The following DLGAP2 variants were observed in gnomAD, a reference collection of about 807,000 sequenced individuals.
DLGAP2 encodes DLG associated protein 2.
DLGAP2 carries 26 observed loss-of-function variants against 100.3 expected under a neutral mutation model. The ratio of observed to expected loss-of-function variants is 0.26; its 90% CI spans 0.19 to 0.36. The LOEUF (loss-of-function observed/expected upper bound fraction) is 0.36. DLGAP2 is among the 10% of genes least tolerant of loss of function. DLGAP2 has a pLI of 1.00. For missense variants in DLGAP2, 1,858 were observed against 1,453.2 expected (o/e 1.28, Z -4.53); for synonymous variants, 886 against 630.1 (o/e 1.41, Z -6.08).
intron 6 of DLGAP2, among the ~76,000 whole-genome samples, chr8:1,591,634 C>T (rs1411029450): frequency 1.3e-5 from 2 of 152,146 alleles, no homozygotes; most frequent in Non-Finnish European, 1.5e-5. Flanking sequence ...CGATACTTGT[C>T]ACACATCTAC....
At chr8:1,688,015 T>C (rs1364431935) in intron 12 of DLGAP2, among the ~76,000 whole-genome samples, 2 of 152,110 alleles carry the variant, frequency 1.3e-5, no homozygotes, top group African/African-American at 4.8e-5. Flanking sequence ...CAGAACACGT[T>C]CATTTTGGGG....
At chr8:1,651,139 A>G (rs1445101769) in intron 8 of DLGAP2, among the ~76,000 whole-genome samples, 1 of 152,228 alleles carries the variant, frequency 6.6e-6, no homozygotes, top group Non-Finnish European at 1.5e-5. Context: ...AAACAGGTTT[A>G]CCAATTCTTT....
At chr8:1,273,555 C>T (rs989455217) in intron 3 of DLGAP2, among the ~76,000 whole-genome samples, 1 of 152,326 alleles carries the variant, frequency 6.6e-6, no homozygotes, top group African/African-American at 2.4e-5. Context: ...ACGTCCTGCT[C>T]TGCTGCTTCA....
At position 1,637,892 on chromosome 8, in the gene DLGAP2, G is replaced by A. The variant is rs530407847; in HGVS notation, c.1810+4846G>A. Among the ~76,000 whole-genome samples the A allele has an allele frequency of 2.3e-3, 353 of 152,302 alleles. 4 individuals carry two copies. Among genetic ancestry groups the A allele is most frequent in the Non-Finnish European group, 2.5e-3 (169 of 68,024 alleles). ...GAAAGCCAGCACTGCAGCAGCGTCC[G>A]GGAGGCCTTCCGCCTGCAGGAAGAG... On this transcript the variant is annotated intron_variant, in intron 8 of 14. Transcript: ENST00000637795.
At chr8:1,030,099 A>G (rs1235503700) in intron 2 of DLGAP2, among the ~76,000 whole-genome samples, 2 of 152,204 alleles carry the variant, frequency 1.3e-5, no homozygotes, top group African/African-American at 2.4e-5. Context: ...TAAATCTTAA[A>G]ATACATACTT....
At chr8:809,897 G>T (rs916513613) in intron 1 of DLGAP2, among the ~76,000 whole-genome samples, 2 of 152,306 alleles carry the variant, frequency 1.3e-5, no homozygotes, top group East Asian at 1.9e-4. Context: ...GCTCTGACTC[G>T]CCCAGAAGCA....
intron 2 of DLGAP2, among the ~76,000 whole-genome samples, chr8:1,147,102 T>C (rs1029788353): frequency 6.6e-6 from 1 of 152,222 alleles, no homozygotes; most frequent in East Asian, 1.9e-4. Flanking sequence ...TTATATTGAG[T>C]CTTTCAAATG....
At chr8:775,363 C>A (rs1421340578) in intron 1 of DLGAP2, among the ~76,000 whole-genome samples, 1 of 150,512 alleles carries the variant, frequency 6.6e-6, no homozygotes. Flanking sequence ...CCTAATTGCC[C>A]TGGCCAGAAC....
chr8:1,214,151 C>A (rs1798164347), intron 2 of DLGAP2, among the ~76,000 whole-genome samples: 1 of 152,206 alleles, frequency 6.6e-6, no homozygotes, highest in African/African-American at 2.4e-5. Flanking sequence ...TCCCTCCACA[C>A]CTCATTCCCT....
intron 2 of DLGAP2, among the ~76,000 whole-genome samples, chr8:963,721 G>C (rs1184239457): frequency 6.6e-6 from 1 of 152,138 alleles, no homozygotes; most frequent in Non-Finnish European, 1.5e-5. Flanking sequence ...GGTAACCAAA[G>C]ATTTCTCATT....
chr8:1,626,862 T>C lies in DLGAP2; in HGVS notation c.1565T>C (p.Leu522Pro). The change falls in exon 7 of 15, where the codon CTG (leucine) becomes CCG (proline). Residue 522 changes from leucine (L) to proline (P), a missense_variant. Physicochemically the swap from Leu to Pro is moderately conservative, Grantham distance 98 (BLOSUM62 -3). Transcript: ENST00000637795. ...NQSYMRAVST[L>P]SQASCVSQVS... ...AGCTACATGAGGGCCGTCAGCACCCTGAGCCAGGCCAGCTGCGTGAGCCAG... is the reference window on the plus strand; with the variant it reads ...AGCTACATGAGGGCCGTCAGCACCCCGAGCCAGGCCAGCTGCGTGAGCCAG... 6.2e-7 allele frequency: 1 copy of C among 1,605,970 alleles called. No individual in the cohort carries two copies. Among genetic ancestry groups the C allele is most frequent in the Non-Finnish European group, 8.5e-7 (1 of 1,176,510 alleles).
chr8:1,375,241 C>T lies in DLGAP2; in HGVS notation c.106+116358C>T, dbSNP rs529507539. Among the ~76,000 whole-genome samples, 50 of 88,342 alleles carry T rather than the reference C, an allele frequency of 5.7e-4. 3 individuals carry two copies. The highest frequency in any genetic ancestry group is 3.3e-3 in the African/African-American group (48 of 14,622). The allele number at this position is 88,342 out of a possible 152,430, so 58.0% of individuals were successfully genotyped here. On this transcript the variant is annotated intron_variant, in intron 3 of 14. Coordinates refer to ENST00000637795, the MANE Select transcript of DLGAP2 (RefSeq NM_001346810.2). ...TCCTACATTTGGGTTAACGACACCT[C>T]TCCACGACCTCAGAACTGAGCCCCC...
chr8:1,573,967 C>G (rs1802861607), intron 6 of DLGAP2, among the ~76,000 whole-genome samples: 1 of 152,138 alleles, frequency 6.6e-6, no homozygotes, highest in Non-Finnish European at 1.5e-5. Flanking sequence ...GAGGTGCTCT[C>G]TAAATGCGTG....
chr8:831,958 A>G (rs1796792528), intron 1 of DLGAP2, among the ~76,000 whole-genome samples: 1 of 152,150 alleles, frequency 6.6e-6, no homozygotes, highest in Non-Finnish European at 1.5e-5. Flanking sequence ...CAGTTCTCTA[A>G]TCAGTGATGA....
intron 2 of DLGAP2, among the ~76,000 whole-genome samples, chr8:946,880 G>A (rs757523862): frequency 1.2e-4 from 18 of 152,170 alleles, no homozygotes; most frequent in Non-Finnish European, 1.6e-4. Context: ...AGCAGCCTTC[G>A]TAGCACAGTC....
At chr8:1,128,488 G>C (rs180771910) in intron 2 of DLGAP2, among the ~76,000 whole-genome samples, 1 of 152,222 alleles carries the variant, frequency 6.6e-6, no homozygotes, top group Non-Finnish European at 1.5e-5. Flanking sequence ...CTGTGTTCCA[G>C]CTGCCTGCAG....
intron 2 of DLGAP2, among the ~76,000 whole-genome samples, chr8:1,181,198 G>T (rs1202379911): frequency 7.0e-6 from 1 of 142,162 alleles, no homozygotes; most frequent in African/African-American, 2.6e-5. Flanking sequence ...CTGTGCAAGG[G>T]CAGTACACTT....
intron 2 of DLGAP2, among the ~76,000 whole-genome samples, chr8:1,079,192 A>G (rs1218177773): frequency 6.6e-6 from 1 of 152,098 alleles, no homozygotes; most frequent in Non-Finnish European, 1.5e-5. Flanking sequence ...CCCTCTACAT[A>G]TGTTCCTTGG....
rs117063098 is a variant in DLGAP2, at chr8:1,391,097, C to T, written c.107-110269C>T. ...TTGGACTAAGTCAGAAGAAAGAAGA[C>T]GTTCCAAGAGTAGGAAGAAGCTTTG... On this transcript the variant is annotated intron_variant, in intron 3 of 14. Coordinates refer to ENST00000637795, the MANE Select transcript of DLGAP2 (RefSeq NM_001346810.2). Among the ~76,000 whole-genome samples the T allele has an allele frequency of 3.7e-3, 562 of 152,270 alleles. 12 individuals are homozygous for T. The East Asian group carries it at 0.051, about 14-fold the overall frequency.
Sources: gnomAD v4.1 joint callset for allele counts (sites outside exome capture counted in the v4.1 genomes callset) on GRCh38, gnomAD v4.1.1 for gene constraint, MANE v1.5 for transcripts, NCBI Gene and HGNC (gene_info 2026-07-23, HGNC 2026-07-21) for gene names.